Variants in SLC7A2 observed in about 807,000 individuals in gnomAD.
SLC7A2 encodes the protein cationic amino acid transporter 2.
A neutral mutation model predicts 58.9 loss-of-function variants in SLC7A2; 48 were observed. The ratio of observed to expected loss-of-function variants is 0.82; its 90% CI spans 0.65 to 1.04. The LOEUF (loss-of-function observed/expected upper bound fraction) is 1.04. Ranked by LOEUF, SLC7A2 falls within the 50% of genes least tolerant of loss-of-function variation. The pLI is 0.00. For missense variants in SLC7A2, 1,029 were observed against 818.8 expected (o/e 1.26, Z -3.13); for synonymous variants, 363 against 314.5 (o/e 1.15, Z -1.63).
chr8:17,552,228 A>G (rs1345277870), intron 7 of SLC7A2, among the ~76,000 whole-genome samples: 2 of 151,990 alleles, frequency 1.3e-5, no homozygotes, highest in African/African-American at 4.8e-5. Flanking sequence ...AGAAATACAT[A>G]TGGCATTGAT....
intron 2 of SLC7A2, 64 bp from the exon 3 acceptor site, chr8:17,543,254 C>G: frequency 6.9e-7 from 1 of 1,446,288 alleles, no homozygotes; most frequent in Admixed American, 2.1e-5. Flanking sequence ...TGCCTGGAAG[C>G]TAGGTTACCA....
intron 4 of SLC7A2, among the ~76,000 whole-genome samples, chr8:17,547,588 T>C (rs1163926554): frequency 2.0e-5 from 3 of 152,054 alleles, no homozygotes; most frequent in Non-Finnish European, 4.4e-5. Context: ...TTGCAGAAAA[T>C]TGTTGTATAG....
At chr8:17,529,547 G>A (rs1312448374) in intron 2 of SLC7A2, among the ~76,000 whole-genome samples, 2 of 117,330 alleles carry the variant, frequency 1.7e-5, no homozygotes, top group Non-Finnish European at 3.5e-5. Context: ...TTTTTTTTTT[G>A]AGAGATAGAG....
At chr8:17,506,346 G>A (rs948465203) in intron 2 of SLC7A2, among the ~76,000 whole-genome samples, 3 of 152,184 alleles carry the variant, frequency 2.0e-5, no homozygotes, top group Non-Finnish European at 2.9e-5. Context: ...ACATGAATAA[G>A]TCTAGGTGTC....
intron 2 of SLC7A2, among the ~76,000 whole-genome samples, chr8:17,537,281 C>T (rs1352283063): frequency 1.3e-5 from 2 of 152,048 alleles, no homozygotes; most frequent in Admixed American, 6.6e-5. Context: ...GGTCTCAAAA[C>T]TCCTGACCTC....
chr8:17,541,616 G>A (rs1384424955), intron 2 of SLC7A2, among the ~76,000 whole-genome samples: 2 of 152,134 alleles, frequency 1.3e-5, no homozygotes, highest in Non-Finnish European at 2.9e-5. Flanking sequence ...ATATTGATGT[G>A]TGGATAATGT....
chr8:17,497,076 A>G (rs1799980243), upstream of SLC7A2: 1 of 150,936 alleles, frequency 6.6e-6, no homozygotes, highest in African/African-American at 2.4e-5. Context: ...AGGGGCGCCC[A>G]CGTGCCCAGC....
At chr8:17,514,412 T>A (rs537973615) in intron 2 of SLC7A2, among the ~76,000 whole-genome samples, 70 of 152,202 alleles carry the variant, frequency 4.6e-4, no homozygotes, top group Non-Finnish European at 9.0e-4. Flanking sequence ...TTATTTTAGA[T>A]TTCTTTAAAT....
At chr8:17,541,053 T>G (rs1363794677) in intron 2 of SLC7A2, among the ~76,000 whole-genome samples, 1 of 152,222 alleles carries the variant, frequency 6.6e-6, no homozygotes, top group Non-Finnish European at 1.5e-5. Flanking sequence ...CATTTTCAAG[T>G]GATCTTAAAT....
intron 2 of SLC7A2, chr8:17,520,745 C>T (rs1275167299): frequency 1.1e-6 from 1 of 939,114 alleles, no homozygotes; most frequent in African/African-American, 1.8e-5. Context: ...TGAGAAGGAC[C>T]TTGAGAGGAA....
chr8:17,565,238 A>G lies in SLC7A2; in HGVS notation c.*92A>G. The G allele has an allele frequency of 9.8e-7, 1 of 1,016,550 alleles. No individual in the cohort carries two copies. Among genetic ancestry groups the G allele is most frequent in the South Asian group, 1.6e-5 (1 of 60,732 alleles). The allele number at this position is 1,016,550 out of a possible 1,614,324, so 63.0% of individuals were successfully genotyped here. A position where few individuals can be genotyped will look rare whatever the true frequency, so the allele number is the denominator to read the frequency against. ...GATGTCATCAGCATGCTGGGTTGTCATGGGTTTGCTGCATACATAGTTCAC... is the reference window on the plus strand; with the variant it reads ...GATGTCATCAGCATGCTGGGTTGTCGTGGGTTTGCTGCATACATAGTTCAC... On this transcript the variant is annotated 3_prime_UTR_variant, in exon 13 of 13. Transcript: ENST00000494857.
In SLC7A2 at chr8:17,568,282, G is replaced by T. The variant is rs1293898180; in HGVS notation, c.*3136G>T. 6.6e-6 allele frequency: 1 copy of T among 151,490 alleles called. No individual in the cohort carries two copies. The highest frequency in any genetic ancestry group is 1.5e-5 in the Non-Finnish European group (1 of 67,932). The allele number at this position is 151,490 out of a possible 1,614,324, so 9.4% of individuals were successfully genotyped here. A position where few individuals can be genotyped will look rare whatever the true frequency, so the allele number is the denominator to read the frequency against. ...ATAATTTGTGAATTACCACCAAAAG[G>T]CAATGGCAGTCCTACATTTAAGAAT... On this transcript the variant is annotated 3_prime_UTR_variant, in exon 13 of 13. Coordinates refer to ENST00000494857, the MANE Select transcript of SLC7A2 (RefSeq NM_001370338.1).
At chr8:17,532,841 T>G (rs1801514590) in intron 2 of SLC7A2, among the ~76,000 whole-genome samples, 1 of 152,192 alleles carries the variant, frequency 6.6e-6, no homozygotes, top group Non-Finnish European at 1.5e-5. Flanking sequence ...TATACACATA[T>G]ATCGTACTAC....
chr8:17,557,873 A>C lies in SLC7A2; in HGVS notation c.1196-422A>C, dbSNP rs993897639. Among the ~76,000 whole-genome samples the C allele has an allele frequency of 2.0e-5, 3 of 152,102 alleles. No homozygotes were observed. In the East Asian group the frequency reaches 5.8e-4, roughly 29 times the overall value. ...GTTGTCTATAACTCAGTGCATATGG[A>C]AACTAAAGTGGTTATATAATATCTA... On this transcript the variant is annotated intron_variant, in intron 8 of 12. Transcript: ENST00000494857.
rs1442909846 is a variant in SLC7A2, at chr8:17,570,336, A to G, written c.*5190A>G. ...GTTGATAGGGCCCAAAACCCTACAG[A>G]AATTCTATGTCTGTAAAAACCAACA... On this transcript the variant is annotated 3_prime_UTR_variant, in exon 13 of 13. Transcript: ENST00000494857. 1.3e-5 allele frequency: 2 copies of G among 152,600 alleles called. No individual in the cohort carries two copies. The highest frequency in any genetic ancestry group is 3.9e-4 in the East Asian group (2 of 5,188). The allele number at this position is 152,600 out of a possible 1,614,324, so 9.5% of individuals were successfully genotyped here.
rs556301015 is a variant in SLC7A2 at position 17,539,676 on chromosome 8, A to C, written c.-22-3642A>C. Reference sequence around the variant, plus strand: ...CCAAAATCTGCATCATTGTTCTTATACTACATGCGTGTAGGTTTCGTATTA... The same window carrying C: ...CCAAAATCTGCATCATTGTTCTTATCCTACATGCGTGTAGGTTTCGTATTA... On this transcript the variant is annotated intron_variant, in intron 2 of 12. Coordinates refer to ENST00000494857, the MANE Select transcript of SLC7A2 (RefSeq NM_001370338.1). Among the ~76,000 whole-genome samples, 17 of 152,236 alleles carry C rather than the reference A, an allele frequency of 1.1e-4. No individual in the cohort carries two copies. The South Asian group carries it at 1.7e-3, about 15-fold the overall frequency.
At chr8:17,545,493 G>T (rs1802126244) in intron 4 of SLC7A2, among the ~76,000 whole-genome samples, 1 of 149,066 alleles carries the variant, frequency 6.7e-6, no homozygotes, top group South Asian at 2.1e-4. Flanking sequence ...CGTCTCCCGG[G>T]TGCAAGCGAT....
At chr8:17,529,335 C>T (rs1039687448) in intron 2 of SLC7A2, among the ~76,000 whole-genome samples, 2 of 149,970 alleles carry the variant, frequency 1.3e-5, no homozygotes, top group Non-Finnish European at 3.0e-5. Flanking sequence ...AAGCTCATTT[C>T]TAGGGCTCAA....
chr8:17,539,543 A>G (rs1563460603), intron 2 of SLC7A2, among the ~76,000 whole-genome samples: 1 of 152,224 alleles, frequency 6.6e-6, no homozygotes, highest in African/African-American at 2.4e-5. Flanking sequence ...GAAGAAAGAT[A>G]TCTGTTTCTG....
Sources: allele counts gnomAD v4.1 joint callset (sites outside exome capture counted in the v4.1 genomes callset), GRCh38; gene constraint gnomAD v4.1.1; transcripts MANE v1.5; gene names NCBI Gene and HGNC (gene_info 2026-07-23, HGNC 2026-07-21).